The following TMEM132B variants were observed in gnomAD, a reference collection of about 807,000 sequenced individuals.
TMEM132B encodes the protein transmembrane protein 132B.
A neutral mutation model predicts 90.8 loss-of-function variants in TMEM132B; 18 were observed. That is an observed-to-expected ratio of 0.20 (90% CI 0.14 to 0.29). The LOEUF is 0.29. TMEM132B is among the 10% of genes least tolerant of loss of function. The pLI, the probability that TMEM132B is intolerant of heterozygous loss-of-function variation, is 1.00. For missense variants in TMEM132B, 1,096 were observed against 1,326.8 expected (o/e 0.83, Z 2.70); for synonymous variants, 504 against 523.3 (o/e 0.96, Z 0.50).
rs531377433 is a variant in TMEM132B, at chr12:125,651,875, G to T, written c.1915-566G>T. ...TTTCCTTGCACTCTGTCAGCCAGGGGTCACCAGGGGTCACTCTGCTGCAAG... is the reference window on the plus strand; with the variant it reads ...TTTCCTTGCACTCTGTCAGCCAGGGTTCACCAGGGGTCACTCTGCTGCAAG... On this transcript the variant is annotated intron_variant, in intron 7 of 8. Coordinates refer to ENST00000682704, the MANE Select transcript of TMEM132B (RefSeq NM_001366854.1). Among the ~76,000 whole-genome samples the T allele has an allele frequency of 2.6e-5, 4 of 151,150 alleles. No homozygotes were observed. The South Asian group carries it at 6.2e-4, about 23-fold the overall frequency.
chr12:125,537,508 G>A (rs755720839), intron 4 of TMEM132B, among the ~76,000 whole-genome samples: 3 of 152,136 alleles, frequency 2.0e-5, no homozygotes, highest in Non-Finnish European at 2.9e-5. Context: ...CACCTGGGGC[G>A]GACATCCATT....
At chr12:125,288,345 T>C (rs1875426483) in intron 1 of TMEM132B, among the ~76,000 whole-genome samples, 1 of 150,754 alleles carries the variant, frequency 6.6e-6, no homozygotes, top group Admixed American at 6.6e-5. Flanking sequence ...CGCCTGTAAT[T>C]CCAGCTACTC....
intron 4 of TMEM132B, among the ~76,000 whole-genome samples, chr12:125,558,315 T>A (rs1884442147): frequency 6.6e-6 from 1 of 152,166 alleles, no homozygotes. Flanking sequence ...CAGTTCTACT[T>A]TGAAGAACTT....
At chr12:125,200,944 A>G (rs556452837) in intron 1 of TMEM132B, among the ~76,000 whole-genome samples, 6 of 152,300 alleles carry the variant, frequency 3.9e-5, no homozygotes, top group Non-Finnish European at 5.9e-5. Context: ...AGGAGCTTTG[A>G]TCTTAGAATA....
chr12:125,316,976 G>T (rs1239252537), intron 1 of TMEM132B, among the ~76,000 whole-genome samples: 2 of 152,134 alleles, frequency 1.3e-5, no homozygotes, highest in Middle Eastern at 3.2e-3. Flanking sequence ...CTCCTTGCCT[G>T]CCCACCACAA....
chr12:125,450,811 C>T lies in TMEM132B; in HGVS notation c.1106+35134C>T, dbSNP rs549278437. 1.9e-4 allele frequency among the ~76,000 whole-genome samples: 29 copies of T among 152,192 alleles called. No homozygotes were observed. In the South Asian group the frequency reaches 6.0e-3, roughly 32 times the overall value. On this transcript the variant is annotated intron_variant, in intron 3 of 8. Transcript: ENST00000682704. ...ACTATGTAGCTGAAATTAATATCAC[C>T]AATGAGGGGCACATGGACACCCATT...
chr12:125,523,594 G>A (rs1883367028), intron 4 of TMEM132B, among the ~76,000 whole-genome samples: 1 of 152,212 alleles, frequency 6.6e-6, no homozygotes, highest in Non-Finnish European at 1.5e-5. Flanking sequence ...ATCTCTGGAG[G>A]GGGCTGTTAT....
In TMEM132B at chr12:125,407,652, C is replaced by T. The variant is rs1879540135; in HGVS notation, c.960-7879C>T. 1.3e-5 allele frequency among the ~76,000 whole-genome samples: 2 copies of T among 152,342 alleles called. No homozygotes were observed. The highest frequency in any genetic ancestry group is 4.1e-4 in the South Asian group (2 of 4,828). On this transcript the variant is annotated intron_variant, in intron 2 of 8. Transcript: ENST00000682704. The surrounding 1 kb of genome is among the most constrained non-coding windows in gnomAD (Gnocchi z 6.7). ...TCATCTGGACTCAGACTCTTTCCAG[C>T]ATCCAGTCCTCCATCACAGACAAGG...
chr12:125,285,206 C>T (rs903031373), intron 1 of TMEM132B, among the ~76,000 whole-genome samples: 2 of 152,176 alleles, frequency 1.3e-5, no homozygotes, highest in African/African-American at 4.8e-5. Context: ...TTGGTCAGGC[C>T]AGGGCCTCTG....
At chr12:125,514,200 G>A (rs374192964) in intron 3 of TMEM132B, among the ~76,000 whole-genome samples, 1 of 151,916 alleles carries the variant, frequency 6.6e-6, no homozygotes, top group Non-Finnish European at 1.5e-5. Flanking sequence ...AACGCCACAC[G>A]CCCCCCACCC....
At chr12:125,495,370 C>T (rs1192334801) in intron 3 of TMEM132B, among the ~76,000 whole-genome samples, 2 of 151,384 alleles carry the variant, frequency 1.3e-5, no homozygotes, top group East Asian at 2.0e-4. Flanking sequence ...TGGAAATGGC[C>T]GTGTCCCTCC....
intron 2 of TMEM132B, among the ~76,000 whole-genome samples, chr12:125,388,886 T>C (rs547729728): frequency 1.3e-5 from 2 of 152,300 alleles, no homozygotes; most frequent in South Asian, 4.1e-4. Flanking sequence ...CATTTTATCC[T>C]CAAACTACAA....
chr12:125,199,222 G>A (rs560685277), intron 1 of TMEM132B, among the ~76,000 whole-genome samples: 10 of 152,368 alleles, frequency 6.6e-5, no homozygotes, highest in African/African-American at 2.2e-4. Flanking sequence ...GCAGGAAGGT[G>A]TGGGGACCCA....
chr12:125,330,906 C>T (rs1325234438), intron 1 of TMEM132B, among the ~76,000 whole-genome samples: 2 of 152,254 alleles, frequency 1.3e-5, no homozygotes, highest in Non-Finnish European at 2.9e-5. Context: ...ATTAGCACAT[C>T]CTGTGTTCCT....
At chr12:125,423,892 T>C (rs951273918) in intron 3 of TMEM132B, among the ~76,000 whole-genome samples, 3 of 152,230 alleles carry the variant, frequency 2.0e-5, no homozygotes, top group Non-Finnish European at 4.4e-5. Flanking sequence ...TTTCATGTCA[T>C]TGAATATTTA....
Position 125,270,160 on chromosome 12 carries a change from G to A in TMEM132B, c.68-79292G>A, listed in dbSNP as rs552528570. ...TGTGTGTGTGTGTGTTTTAAGAGAC[G>A]AGGTCTTGCTCTGTAACCCAGACTG... On this transcript the variant is annotated intron_variant, in intron 1 of 8. Transcript: ENST00000682704. Among the ~76,000 whole-genome samples, 237 of 128,378 alleles carry A rather than the reference G, an allele frequency of 1.8e-3. 2 individuals carry two copies. The highest frequency in any genetic ancestry group is 6.9e-3 in the African/African-American group (231 of 33,696). 84.2% of individuals were successfully genotyped at this position (128,378 alleles called of 152,430 possible).
rs191937156 is a variant in TMEM132B at position 125,427,404 on chromosome 12, A to G, written c.1106+11727A>G. On this transcript the variant is annotated intron_variant, in intron 3 of 8. Transcript: ENST00000682704. ...AGGGTCAGAGATGTTAAGAGCCCATAGCCATGTAGCTAGGACTGGTGGACC... is the reference window on the plus strand; with the variant it reads ...AGGGTCAGAGATGTTAAGAGCCCATGGCCATGTAGCTAGGACTGGTGGACC... Among the ~76,000 whole-genome samples, 343 of 152,380 alleles carry G rather than the reference A, an allele frequency of 2.3e-3. 2 individuals are homozygous for G. The highest frequency in any genetic ancestry group is 7.7e-3 in the African/African-American group (319 of 41,592).
chr12:125,653,763 A>T lies in TMEM132B; in HGVS notation c.2305A>T (p.Met769Leu). The part of the protein sequence containing the change: ...GQGPLIKLEM[M>L]ISEPCQKTKR... ...AGGGCCTTTGATTAAGTTAGAAATG[A>T]TGATAAGTGAACCTTGTCAGAAGAC... The change falls in exon 9 of 9, where the codon ATG (methionine) becomes TTG (leucine). Residue 769 changes from methionine (M) to leucine (L), a missense_variant. Coordinates refer to ENST00000682704, the MANE Select transcript of TMEM132B (RefSeq NM_001366854.1). 1 of 1,614,238 alleles carries T rather than the reference A, an allele frequency of 6.2e-7. No individual in the cohort carries two copies. The highest frequency in any genetic ancestry group is 1.7e-5 in the Admixed American group (1 of 60,022).
chr12:125,485,405 T>C (rs1428101106), intron 3 of TMEM132B, among the ~76,000 whole-genome samples: 2 of 152,222 alleles, frequency 1.3e-5, no homozygotes, highest in Admixed American at 1.3e-4. Flanking sequence ...CATTAATTAC[T>C]GAGTTTTTGG....
Sources: allele counts gnomAD v4.1 joint callset (sites outside exome capture counted in the v4.1 genomes callset), GRCh38; gene constraint gnomAD v4.1.1; non-coding constraint Gnocchi (gnomAD v3.1); transcripts MANE v1.5; gene names NCBI Gene and HGNC (gene_info 2026-07-23, HGNC 2026-07-21).